The following LRP1B variants were observed in gnomAD, a reference collection of about 807,000 sequenced individuals.
LRP1B encodes the protein LDL receptor related protein 1B.
A neutral mutation model predicts 556.6 loss-of-function variants in LRP1B; 217 were observed. That is an observed-to-expected ratio of 0.39 (90% confidence interval 0.35 to 0.44). LRP1B has a LOEUF of 0.44. Among genes scored for constraint, LRP1B ranks in the 20% least tolerant of loss-of-function variants. LRP1B has a pLI of 1.00. For missense variants in LRP1B, 5,053 were observed against 5,620.8 expected (o/e 0.90, Z 3.23); for synonymous variants, 2,047 against 1,865.8 (o/e 1.10, Z -2.50).
intron 22 of LRP1B, among the ~76,000 whole-genome samples, chr2:140,903,600 T>C (rs948459502): frequency 6.6e-6 from 1 of 152,074 alleles, no homozygotes; most frequent in African/African-American, 2.4e-5. Flanking sequence ...AACAAGTATA[T>C]CCATATACAC....
Position 141,047,661 on chromosome 2 carries a change from A to G in LRP1B, c.1789+1325T>C, listed in dbSNP as rs1279041842. Among the ~76,000 whole-genome samples, 8 of 152,152 alleles carry G rather than the reference A, an allele frequency of 5.3e-5. No individual in the cohort carries two copies. The East Asian group carries it at 1.6e-3, about 30-fold the overall frequency. Reference sequence around the variant, plus strand: ...GGATTTTTTCCAAACTCCTTCACTTACCTTCAAGGCCCTTTATTTTAGCGC... The same window carrying G: ...GGATTTTTTCCAAACTCCTTCACTTGCCTTCAAGGCCCTTTATTTTAGCGC... On this transcript the variant is annotated intron_variant, in intron 11 of 90. Coordinates refer to ENST00000389484, the MANE Select transcript of LRP1B (RefSeq NM_018557.3).
chr2:140,906,992 T>C (rs902479116), intron 22 of LRP1B, among the ~76,000 whole-genome samples: 7 of 139,050 alleles, frequency 5.0e-5, no homozygotes, highest in Non-Finnish European at 7.6e-5. Context: ...AAAAACTTCC[T>C]TTTTTATATC....
chr2:140,809,214 T>A (rs1429353), intron 32 of LRP1B, among the ~76,000 whole-genome samples: 7,714 of 152,202 alleles, frequency 0.051, 220 homozygotes, highest in African/African-American at 0.052. Context: ...ATAGCTAGCC[T>A]ATATAGTAGG....
rs1471195366 is a variant in LRP1B at position 140,675,501 on chromosome 2, A to C, written c.6799+24749T>G. On this transcript the variant is annotated intron_variant, in intron 41 of 90. Transcript: ENST00000389484. ...TAACATTTCAAATTGAATTATATTTATTTCATACTGTTCTTAATGTGCTGA... is the reference window on the plus strand; with the variant it reads ...TAACATTTCAAATTGAATTATATTTCTTTCATACTGTTCTTAATGTGCTGA... Among the ~76,000 whole-genome samples the C allele has an allele frequency of 4.6e-5, 7 of 152,366 alleles. No individual in the cohort carries two copies. In the East Asian group the frequency reaches 1.3e-3, roughly 29 times the overall value.
At chr2:141,143,394 C>A (rs1016528485) in intron 7 of LRP1B, among the ~76,000 whole-genome samples, 7 of 152,174 alleles carry the variant, frequency 4.6e-5, no homozygotes, top group Admixed American at 2.0e-4. Flanking sequence ...TCTTATTATC[C>A]CCTACCCAGT....
At chr2:141,095,575 T>C (rs1263161236) in intron 7 of LRP1B, among the ~76,000 whole-genome samples, 3 of 151,940 alleles carry the variant, frequency 2.0e-5, no homozygotes, top group Non-Finnish European at 4.4e-5. Context: ...TTATCTTTAC[T>C]CTCTTGATTA....
chr2:140,640,494 C>CA (rs1684253399), intron 41 of LRP1B, among the ~76,000 whole-genome samples: 2 of 131,524 alleles, frequency 1.5e-5, no homozygotes. Context: ...CTCCCGGGTT[C>CA]ACGCCATTCT....
At chr2:141,822,254 T>TA (rs1453180208) in intron 1 of LRP1B, among the ~76,000 whole-genome samples, 2 of 152,136 alleles carry the variant, frequency 1.3e-5, no homozygotes, top group African/African-American at 4.8e-5. Context: ...CTGGAGTTTT[T>TA]ATTATCATTG....
At chr2:140,662,003 A>T (rs1685113723) in intron 41 of LRP1B, among the ~76,000 whole-genome samples, 1 of 152,126 alleles carries the variant, frequency 6.6e-6, no homozygotes, top group Admixed American at 6.5e-5. Context: ...TTTAAACTCA[A>T]ATATCGTGTT....
At chr2:141,637,684 C>T (rs951294865) in intron 2 of LRP1B, among the ~76,000 whole-genome samples, 2 of 152,244 alleles carry the variant, frequency 1.3e-5, no homozygotes, top group African/African-American at 2.4e-5. Context: ...GGGCATTAAG[C>T]GGATTGAAAG....
chr2:141,355,190 T>A (rs941510249), intron 3 of LRP1B, among the ~76,000 whole-genome samples: 5 of 152,152 alleles, frequency 3.3e-5, no homozygotes, highest in African/African-American at 1.2e-4. Context: ...TTTGTCATCA[T>A]CTGTCTACTA....
At chr2:142,018,349 T>C (rs1703219296) in intron 1 of LRP1B, among the ~76,000 whole-genome samples, 4 of 152,202 alleles carry the variant, frequency 2.6e-5, no homozygotes, top group Admixed American at 2.6e-4. Flanking sequence ...CATATTAATA[T>C]ATAAACACCT....
chr2:141,526,661 A>G (rs1684701887), intron 2 of LRP1B, among the ~76,000 whole-genome samples: 1 of 151,956 alleles, frequency 6.6e-6, no homozygotes, highest in Non-Finnish European at 1.5e-5. Context: ...TGTAATGTAG[A>G]CCCCACCAGC....
chr2:140,426,829 G>A (rs1187034816), intron 66 of LRP1B, among the ~76,000 whole-genome samples: 3 of 152,130 alleles, frequency 2.0e-5, no homozygotes, highest in Non-Finnish European at 4.4e-5. Context: ...CGGATCGGGG[G>A]ACCTCCTTTG....
At chr2:140,902,375 A>G (rs1224264358) in intron 23 of LRP1B, among the ~76,000 whole-genome samples, 1 of 152,184 alleles carries the variant, frequency 6.6e-6, no homozygotes, top group Non-Finnish European at 1.5e-5. Flanking sequence ...CTGAAGCTCC[A>G]CAGTGTTATG....
chr2:141,448,266 C>T (rs115751518), intron 3 of LRP1B, among the ~76,000 whole-genome samples: 1 of 152,214 alleles, frequency 6.6e-6, no homozygotes, highest in African/African-American at 2.4e-5. Flanking sequence ...GCCCCTCCCC[C>T]AACCAAGCTC....
At chr2:140,516,817 C>T (rs1051623165) in intron 50 of LRP1B, 72 bp downstream of exon 50, 64 of 1,345,770 alleles carry the variant, frequency 4.8e-5, no homozygotes, top group Non-Finnish European at 5.6e-5. Flanking sequence ...GTATAAAATC[C>T]CTACATAAGA....
intron 2 of LRP1B, among the ~76,000 whole-genome samples, chr2:141,619,639 G>A (rs1688432412): frequency 6.6e-6 from 1 of 152,162 alleles, no homozygotes; most frequent in Non-Finnish European, 1.5e-5. Flanking sequence ...GAATCTGTGA[G>A]TTTGCAAATT....
chr2:141,356,670 A>G (rs189152262), intron 3 of LRP1B, among the ~76,000 whole-genome samples: 117 of 152,262 alleles, frequency 7.7e-4, no homozygotes, highest in Non-Finnish European at 5.4e-4. Context: ...GGCTAATATT[A>G]AAGTTGACAT....
Sources: gnomAD v4.1 joint callset for allele counts (sites outside exome capture counted in the v4.1 genomes callset) on GRCh38, gnomAD v4.1.1 for gene constraint, MANE v1.5 for transcripts, NCBI Gene and HGNC (gene_info 2026-07-23, HGNC 2026-07-21) for gene names.